QRICH1: variants seen among roughly 807,000 people sequenced by gnomAD.
The protein encoded by QRICH1 is glutamine rich 1.
Under a neutral mutation model 87.1 loss-of-function variants are expected in QRICH1, and 16 were observed. The ratio of observed to expected loss-of-function variants is 0.18; its 90% CI spans 0.12 to 0.28. QRICH1 has a LOEUF of 0.28. QRICH1 is among the 10% of genes least tolerant of loss of function. The pLI is 1.00. For missense variants in QRICH1, 647 were observed against 951.7 expected, an observed-to-expected ratio of 0.68 and a Z score of 4.21; for synonymous variants, 367 against 368.4, an observed-to-expected ratio of 1.00 and a Z score of 0.05.
chr3:49,050,508 A>T (rs1186236489), intron 3 of QRICH1, among the ~76,000 whole-genome samples: 1 of 151,834 alleles, frequency 6.6e-6, no homozygotes, highest in Non-Finnish European at 1.5e-5. Context: ...AATCACCCAA[A>T]GCCCTAGTTT....
intron 2 of QRICH1, among the ~76,000 whole-genome samples, chr3:49,068,184 C>T (rs965006482): frequency 6.6e-6 from 1 of 151,804 alleles, no homozygotes; most frequent in Non-Finnish European, 1.5e-5. Context: ...AGCAACACCC[C>T]TCTCTCCACA....
intron 2 of QRICH1, among the ~76,000 whole-genome samples, chr3:49,058,523 A>G (rs1370888242): frequency 1.3e-5 from 2 of 152,068 alleles, no homozygotes; most frequent in Admixed American, 6.6e-5. Flanking sequence ...ACGAGGTTTC[A>G]CCATGTTGGC....
chr3:49,063,574 A>G (rs1320889646), intron 2 of QRICH1, among the ~76,000 whole-genome samples: 1 of 152,200 alleles, frequency 6.6e-6, no homozygotes, highest in Non-Finnish European at 1.5e-5. Flanking sequence ...AAACTGCTTG[A>G]GCCCAGGAGT....
At chr3:49,073,555 G>C (rs1002971731) in intron 2 of QRICH1, among the ~76,000 whole-genome samples, 1 of 151,502 alleles carries the variant, frequency 6.6e-6, no homozygotes, top group Non-Finnish European at 1.5e-5. Context: ...AAAAAAAAAG[G>C]AAAACATTTT....
rs555355408 is a variant in QRICH1, at chr3:49,074,199, A to G, written c.309+2510T>C. Among the ~76,000 whole-genome samples, 5 of 152,292 alleles carry G rather than the reference A, an allele frequency of 3.3e-5. No individual in the cohort carries two copies. In the South Asian group the frequency reaches 8.3e-4, roughly 25 times the overall value. On this transcript the variant is annotated intron_variant, in intron 2 of 9. Transcript: ENST00000395443. ...ACATCAGCCTTTCCATTTTTAAATT[A>G]ATTTCAAATGTTACACTATCAGTAA...
At chr3:49,042,069 A>G (rs985947831) in intron 6 of QRICH1, among the ~76,000 whole-genome samples, 3 of 134,740 alleles carry the variant, frequency 2.2e-5, no homozygotes, top group Non-Finnish European at 4.8e-5. Flanking sequence ...CACCGCGCCC[A>G]GACTGTGTTT....
At chr3:49,036,144 C>T (rs566427574) in intron 6 of QRICH1, among the ~76,000 whole-genome samples, 28 of 152,144 alleles carry the variant, frequency 1.8e-4, no homozygotes, top group African/African-American at 6.7e-4. Context: ...AGGGCCAGGG[C>T]TCCTAGCATG....
chr3:49,041,461 G>A (rs1312132879), intron 6 of QRICH1, among the ~76,000 whole-genome samples: 2 of 151,880 alleles, frequency 1.3e-5, no homozygotes, highest in South Asian at 2.1e-4. Flanking sequence ...CCGAAATACT[G>A]GTATTACAGG....
At chr3:49,072,718 T>C (rs1310678109) in intron 2 of QRICH1, among the ~76,000 whole-genome samples, 3 of 152,036 alleles carry the variant, frequency 2.0e-5, no homozygotes, top group African/African-American at 7.2e-5. Flanking sequence ...CCTTCCAATA[T>C]ACTCGTCTGC....
intron 1 of QRICH1, among the ~76,000 whole-genome samples, chr3:49,084,907 C>G (rs1257331485): frequency 1.3e-5 from 2 of 151,962 alleles, no homozygotes; most frequent in African/African-American, 4.8e-5. Context: ...CCAGCACTTT[C>G]CGAGGCAGGC....
intron 2 of QRICH1, among the ~76,000 whole-genome samples, chr3:49,069,539 G>A (rs2093488799): frequency 7.4e-6 from 1 of 136,012 alleles, no homozygotes; most frequent in Non-Finnish European, 1.5e-5. Context: ...ATCCATGGGG[G>A]GGAATTTTTT....
At chr3:49,067,968 GAAAC>G (rs1003100152) in intron 2 of QRICH1, among the ~76,000 whole-genome samples, 1 of 151,406 alleles carries the variant, frequency 6.6e-6, no homozygotes, top group East Asian at 2.0e-4. Context: ...AAAAAATTTG[GAAAC>G]AAACAAAAAA....
chr3:49,073,228 G>C (rs1315914435), intron 2 of QRICH1, among the ~76,000 whole-genome samples: 1 of 152,128 alleles, frequency 6.6e-6, no homozygotes, highest in Non-Finnish European at 1.5e-5. Context: ...AACTAGAGGA[G>C]CCTGTTATCT....
intron 2 of QRICH1, among the ~76,000 whole-genome samples, chr3:49,069,196 C>T (rs1483873899): frequency 5.3e-5 from 8 of 150,738 alleles, no homozygotes; most frequent in East Asian, 2.0e-4. Flanking sequence ...CTCCGCCTCC[C>T]GGGTTCAAGC....
At chr3:49,042,481 A>AT (rs1455723951) in intron 6 of QRICH1, among the ~76,000 whole-genome samples, 4 of 152,206 alleles carry the variant, frequency 2.6e-5, no homozygotes, top group Non-Finnish European at 4.4e-5. Flanking sequence ...TATTCCAACT[A>AT]TATGACATTC....
At chr3:49,073,728 C>G (rs1394370009) in intron 2 of QRICH1, among the ~76,000 whole-genome samples, 3 of 151,574 alleles carry the variant, frequency 2.0e-5, no homozygotes, top group African/African-American at 7.3e-5. Context: ...CTCACTGTAA[C>G]CTCCACCTCC....
At chr3:49,060,031 C>T (rs561046699) in intron 2 of QRICH1, among the ~76,000 whole-genome samples, 1 of 151,948 alleles carries the variant, frequency 6.6e-6, no homozygotes, top group East Asian at 1.9e-4. Flanking sequence ...ACTACAGGTG[C>T]GTGCCACCAC....
Position 49,093,925 on chromosome 3 carries a change from T to TGCCGCCGCC in QRICH1, c.-44_-36dup, listed in dbSNP as rs540671814. On this transcript the variant is annotated 5_prime_UTR_variant, in exon 1 of 10. Coordinates refer to ENST00000395443, the MANE Select transcript of QRICH1 (RefSeq NM_198880.3). ...TGGAGCCCTCACCCGGCGACGTCAC[T>TGCCGCCGCC]GCCGCCGCCGCCGCCGCCTCCGCTG... is the stretch of plus-strand genomic sequence containing the variant. 5.8e-5 allele frequency: 14 copies of TGCCGCCGCC among 242,440 alleles called. No individual in the cohort carries two copies. In the East Asian group the frequency reaches 6.4e-4, roughly 11 times the overall value. The allele number at this position is 242,440 out of a possible 1,614,324, so 15.0% of individuals were successfully genotyped here.
chr3:49,072,372 A>C (rs2041852868), intron 2 of QRICH1, among the ~76,000 whole-genome samples: 1 of 151,968 alleles, frequency 6.6e-6, no homozygotes, highest in Non-Finnish European at 1.5e-5. Flanking sequence ...AAAAATACAA[A>C]AAATTAGGCA....
Sources: gnomAD v4.1 joint callset for allele counts (sites outside exome capture counted in the v4.1 genomes callset) on GRCh38, gnomAD v4.1.1 for gene constraint, MANE v1.5 for transcripts, NCBI Gene and HGNC (gene_info 2026-07-23, HGNC 2026-07-21) for gene names.